The following GPR35 variants were observed in gnomAD, a reference collection of about 807,000 sequenced individuals.
The protein encoded by GPR35 is G protein-coupled receptor 35, also known as KYNA receptor.
For synonymous variants in GPR35, 207 were observed against 198.4 expected (o/e 1.04, Z -0.36); for missense variants, 372 against 422.5 (o/e 0.88, Z 1.05).
chr2:240,626,825 A>G (rs750422771), intron 1 of GPR35, among the ~76,000 whole-genome samples: 1 of 152,066 alleles, frequency 6.6e-6, no homozygotes, highest in Non-Finnish European at 1.5e-5. Context: ...CAGGCCAGCC[A>G]GGCACTCTGG....
chr2:240,624,893 C>T (rs1277808686), upstream of GPR35, among the ~76,000 whole-genome samples: 8 of 139,968 alleles, frequency 5.7e-5, no homozygotes, highest in South Asian at 8.9e-4. Context: ...GAGGAGGGGC[C>T]GGTGGCCAAG....
At position 240,632,112 on chromosome 2, in the gene GPR35, C is replaced by T. The variant is rs1575472090; in HGVS notation, c.*1230C>T. Among the ~76,000 whole-genome samples, 2 of 151,968 alleles carry T rather than the reference C, an allele frequency of 1.3e-5. No homozygotes were observed. The highest frequency in any genetic ancestry group is 1.5e-5 in the Non-Finnish European group (1 of 67,958). ...AGGAGGGCCTCATTCCCAGGAGGGT[C>T]CCGTGCCCAGGAGGGCTCTATGCCC... On this transcript the variant is annotated 3_prime_UTR_variant, in exon 2 of 2. Coordinates refer to ENST00000407714, the MANE Select transcript of GPR35 (RefSeq NM_005301.5).
At chr2:240,624,853 T>A (rs1358567156), upstream of GPR35, among the ~76,000 whole-genome samples, 2 of 151,072 alleles carry the variant, frequency 1.3e-5, no homozygotes, top group Non-Finnish European at 3.0e-5. Context: ...ATAGGGGTGG[T>A]CTGGGTAGGC....
upstream of GPR35, among the ~76,000 whole-genome samples, chr2:240,622,713 A>G (rs2043309871): frequency 6.6e-6 from 1 of 152,188 alleles, no homozygotes; most frequent in Admixed American, 6.5e-5. Context: ...GGCAGGAAGG[A>G]ATCCTGTTCG....
At chr2:240,623,057 CGT>C (rs747425504), upstream of GPR35, among the ~76,000 whole-genome samples, 606 of 64,300 alleles carry the variant, frequency 9.4e-3, 4 homozygotes, top group African/African-American at 0.071. Flanking sequence ...CCCAGGCGAC[CGT>C]GCCTGAGCCG....
upstream of GPR35, among the ~76,000 whole-genome samples, chr2:240,623,112 G>A (rs1007698126): frequency 5.9e-5 from 9 of 152,214 alleles, no homozygotes; most frequent in Non-Finnish European, 7.3e-5. Flanking sequence ...CCCGGCACTC[G>A]CAGCCCCGCG....
upstream of GPR35, chr2:240,625,457 G>C (rs1457122451): frequency 1.0e-6 from 1 of 985,534 alleles, no homozygotes; most frequent in East Asian, 1.1e-4. Flanking sequence ...GACCAGCCCT[G>C]AGGGGTGGCT....
At position 240,631,704 on chromosome 2, in the gene GPR35, G is replaced by A. The variant is rs1234380632; in HGVS notation, c.*822G>A. 1.4e-4 allele frequency among the ~76,000 whole-genome samples: 21 copies of A among 152,180 alleles called. No homozygotes were observed. The highest frequency in any genetic ancestry group is 1.4e-3 in the Admixed American group (21 of 15,278). ...GGGTTGGGTGCCCACTCAGGTAAAG[G>A]CACGATGTCCTGCTGGTTTCTGCCT... On this transcript the variant is annotated 3_prime_UTR_variant, in exon 2 of 2. Coordinates refer to ENST00000407714, the MANE Select transcript of GPR35 (RefSeq NM_005301.5).
At chr2:240,616,333 C>A in intron 2 of GPR35, 1 of 729,064 alleles carries the variant, frequency 1.4e-6, no homozygotes. Context: ...GGCCGACATA[C>A]CTGTTGGGTT....
upstream of GPR35, among the ~76,000 whole-genome samples, chr2:240,624,267 G>T (rs1329892546): frequency 6.7e-6 from 1 of 148,608 alleles, no homozygotes; most frequent in African/African-American, 2.4e-5. Context: ...CGAGGATGAG[G>T]CCCCTCTCCA....
At chr2:240,607,420 G>A (rs1223059845) in intron 2 of GPR35, 1 of 151,954 alleles carries the variant, frequency 6.6e-6, no homozygotes, top group Admixed American at 6.6e-5. Context: ...CAAACGCCTG[G>A]ACTCCAACAA....
intron 4 of GPR35, among the ~76,000 whole-genome samples, chr2:240,617,946 T>C (rs1267146888): frequency 6.6e-6 from 1 of 152,188 alleles, no homozygotes; most frequent in Admixed American, 6.5e-5. Context: ...TACACTTCTC[T>C]CCAAGAGCCC....
chr2:240,616,105 C>T (rs548485932), intron 2 of GPR35, among the ~76,000 whole-genome samples: 13 of 152,262 alleles, frequency 8.5e-5, no homozygotes, highest in South Asian at 4.1e-4. Context: ...CCTTCTGTTT[C>T]GCCTGCTTGG....
In GPR35 at chr2:240,632,717, C is replaced by T. The variant is rs2043463362; in HGVS notation, c.*1835C>T. ...ATGAGATCCTCATGCCCAGGAAGGC[C>T]CATGCCCAGGAGGGTCCATGCCCAG... On this transcript the variant is annotated 3_prime_UTR_variant, in exon 2 of 2. Coordinates refer to ENST00000407714, the MANE Select transcript of GPR35 (RefSeq NM_005301.5). Among the ~76,000 whole-genome samples, 1 of 151,178 alleles carries T rather than the reference C, an allele frequency of 6.6e-6. No homozygotes were observed. The highest frequency in any genetic ancestry group is 2.4e-5 in the African/African-American group (1 of 41,018).
Position 240,633,091 on chromosome 2 carries a change from G to T in GPR35, c.*2209G>T, listed in dbSNP as rs561877755. On this transcript the variant is annotated 3_prime_UTR_variant, in exon 2 of 2. Transcript: ENST00000407714. The stretch of plus-strand genomic sequence containing the variant: ...TTCCCCTTCACCTTCTGCCATGATT[G>T]TAAGTTTCCTGAGGCCTCCCTAGCC... 2.0e-5 allele frequency among the ~76,000 whole-genome samples: 3 copies of T among 152,326 alleles called. No homozygotes were observed. The highest frequency in any genetic ancestry group is 2.1e-4 in the South Asian group (1 of 4,830).
upstream of GPR35, among the ~76,000 whole-genome samples, chr2:240,621,026 G>A (rs558751769): frequency 1.3e-3 from 193 of 152,270 alleles, no homozygotes; most frequent in African/African-American, 4.6e-3. Flanking sequence ...GTTCTGTGAA[G>A]AGGGGAACAG....
At chr2:240,628,687 G>C (rs1389506030) in intron 1 of GPR35, 1 of 152,250 alleles carries the variant, frequency 6.6e-6, no homozygotes. Flanking sequence ...GTGCTCCTCT[G>C]GGCAGAGGGA....
chr2:240,607,630 G>C (rs924283412), intron 2 of GPR35: 1 of 151,996 alleles, frequency 6.6e-6, no homozygotes, highest in African/African-American at 2.4e-5. Flanking sequence ...TTTTCCAATT[G>C]TTTTTTGCTA....
chr2:240,631,608 G>T lies in GPR35; in HGVS notation c.*726G>T, dbSNP rs939837371. Among the ~76,000 whole-genome samples, 1 of 152,142 alleles carries T rather than the reference G, an allele frequency of 6.6e-6. No homozygotes were observed. The highest frequency in any genetic ancestry group is 2.4e-5 in the African/African-American group (1 of 41,428). ...GGTGGCAGTGAAGGGGGTGGCCAGG[G>T]TCTGTCAAGGAACCCAGCCCTCTTC... On this transcript the variant is annotated 3_prime_UTR_variant, in exon 2 of 2. Coordinates refer to ENST00000407714, the MANE Select transcript of GPR35 (RefSeq NM_005301.5).
Sources: allele counts gnomAD v4.1 joint callset (sites outside exome capture counted in the v4.1 genomes callset), GRCh38; gene constraint gnomAD v4.1.1; transcripts MANE v1.5; gene names NCBI Gene and HGNC (gene_info 2026-07-23, HGNC 2026-07-21).